Variants in ARL6 observed in about 807,000 individuals in gnomAD.
ARL6 encodes the protein ADP-ribosylation factor-like protein 6.
In ARL6, 18 loss-of-function variants were observed where a neutral mutation model predicts 27.1. The observed-to-expected ratio is 0.66, with a 90% CI of 0.46 to 0.98. The LOEUF (loss-of-function observed/expected upper bound fraction) is 0.98, where lower values mean the gene tolerates loss of function less well. ARL6 is among the 50% of genes least tolerant of loss of function. The probability of loss-of-function intolerance (pLI) is 0.00; values close to 1 mark genes in which losing one functional copy is unlikely to be tolerated. For synonymous variants in ARL6, 65 were observed against 72.3 expected (o/e 0.90, Z 0.51); for missense variants, 187 against 214.9 (o/e 0.87, Z 0.81).
At chr3:97,797,383 A>G (rs913016105) in intron 7 of ARL6, among the ~76,000 whole-genome samples, 2 of 152,110 alleles carry the variant, frequency 1.3e-5, no homozygotes, top group African/African-American at 2.4e-5. Flanking sequence ...AAGAGGAAAG[A>G]AAAAGTATAC....
intron 7 of ARL6, among the ~76,000 whole-genome samples, chr3:97,796,467 A>T (rs1380250326): frequency 6.6e-6 from 1 of 152,134 alleles, no homozygotes; most frequent in African/African-American, 2.4e-5. Flanking sequence ...ATTTGAAAGA[A>T]AAGAAAGGGG....
chr3:97,785,709 AC>A (rs2037426290), intron 5 of ARL6, among the ~76,000 whole-genome samples: 1 of 152,126 alleles, frequency 6.6e-6, no homozygotes, highest in Admixed American at 6.5e-5. Flanking sequence ...TGAATGTACC[AC>A]AGTTTATTTA....
At chr3:97,765,702 T>C (rs772216106) in intron 1 of ARL6, among the ~76,000 whole-genome samples, 3 of 152,216 alleles carry the variant, frequency 2.0e-5, no homozygotes, top group Non-Finnish European at 4.4e-5. Context: ...AAACTACAGA[T>C]GCCCTGATCT....
intron 2 of ARL6, among the ~76,000 whole-genome samples, chr3:97,774,032 A>G (rs1025907541): frequency 6.6e-5 from 10 of 152,164 alleles, no homozygotes; most frequent in African/African-American, 2.2e-4. Context: ...ATACAAAGAG[A>G]TGCCCTAATG....
intron 6 of ARL6, among the ~76,000 whole-genome samples, chr3:97,788,442 A>G (rs1360100637): frequency 6.6e-6 from 1 of 152,134 alleles, no homozygotes; most frequent in Non-Finnish European, 1.5e-5. Context: ...ATCTAAGAGC[A>G]TGTGCACTTG....
rs540063182 is a variant in ARL6 at position 97,781,171 on chromosome 3, A to G, written c.254+488A>G. On this transcript the variant is annotated intron_variant, in intron 4 of 7. Transcript: ENST00000463745. The stretch of plus-strand genomic sequence containing the variant: ...TATTCATATTATTTTTTCAAGACCT[A>G]GTATGATGCTCAGCATATAGGCCAG... Among the ~76,000 whole-genome samples, 8 of 152,284 alleles carry G rather than the reference A, an allele frequency of 5.3e-5. No individual in the cohort carries two copies. The East Asian group carries it at 1.5e-3, about 29-fold the overall frequency.
intron 1 of ARL6, among the ~76,000 whole-genome samples, chr3:97,767,230 A>G (rs985713377): frequency 9.9e-5 from 15 of 152,190 alleles, no homozygotes; most frequent in African/African-American, 3.6e-4. Context: ...AGATACTTAA[A>G]AAACTAAATT....
rs552114793 is a variant in ARL6, at chr3:97,778,413, G to A, written c.124-1746G>A. ...GGCCTTTCTACTAGTGCATTACCAT[G>A]CTATTAAAGTGACCAAGCTCCAGTG... On this transcript the variant is annotated intron_variant, in intron 2 of 7. Transcript: ENST00000463745. 5.3e-5 allele frequency among the ~76,000 whole-genome samples: 8 copies of A among 152,264 alleles called. No homozygotes were observed. The South Asian group carries it at 1.7e-3, about 32-fold the overall frequency.
At chr3:97,770,875 C>CTG (rs567727928) in intron 2 of ARL6, among the ~76,000 whole-genome samples, 210 of 151,736 alleles carry the variant, frequency 1.4e-3, no homozygotes, top group African/African-American at 4.7e-3. Flanking sequence ...TTCTGTTGGT[C>CTG]TGTGTGTGTG....
In ARL6 at chr3:97,801,087, A is replaced by T. The variant is rs1365375931; in HGVS notation, c.*3038A>T. 2 of 152,190 alleles carry T rather than the reference A, an allele frequency of 1.3e-5. No individual in the cohort carries two copies. The highest frequency in any genetic ancestry group is 2.9e-5 in the Non-Finnish European group (2 of 68,030). The allele number at this position is 152,190 out of a possible 1,614,324, so 9.4% of individuals were successfully genotyped here. A position where few individuals can be genotyped will look rare whatever the true frequency, so the allele number is the denominator to read the frequency against. On this transcript the variant is annotated 3_prime_UTR_variant, in exon 8 of 8. Coordinates refer to ENST00000463745, the MANE Select transcript of ARL6 (RefSeq NM_001278293.3). ...TTGCTTATAACTCTGGTGCATGTGC[A>T]TTAAAATACTATTGCATTGTAACTG...
chr3:97,773,863 C>T (rs2036757701), intron 2 of ARL6, among the ~76,000 whole-genome samples: 1 of 152,220 alleles, frequency 6.6e-6, no homozygotes, highest in African/African-American at 2.4e-5. Flanking sequence ...CCTTTGCCTT[C>T]AGCAGGCACC....
intron 1 of ARL6, among the ~76,000 whole-genome samples, chr3:97,767,550 T>G (rs2036442739): frequency 6.6e-6 from 1 of 152,172 alleles, no homozygotes; most frequent in African/African-American, 2.4e-5. Context: ...AGTGAATTTA[T>G]TGTAACTTCA....
At chr3:97,790,719 GTTTC>G (rs2037692577) in intron 6 of ARL6, among the ~76,000 whole-genome samples, 1 of 151,848 alleles carries the variant, frequency 6.6e-6, no homozygotes, top group African/African-American at 2.4e-5. Flanking sequence ...CATGTTGTTT[GTTTC>G]TTTCTTTGTA....
At chr3:97,795,745 T>C (rs1382411427) in intron 7 of ARL6, among the ~76,000 whole-genome samples, 1 of 152,278 alleles carries the variant, frequency 6.6e-6, no homozygotes, top group Admixed American at 6.5e-5. Flanking sequence ...AGAGAAGATA[T>C]GATTATACAT....
At chr3:97,777,044 TC>T (rs2036943796) in intron 2 of ARL6, among the ~76,000 whole-genome samples, 2 of 152,240 alleles carry the variant, frequency 1.3e-5, no homozygotes, top group South Asian at 4.1e-4. Context: ...ATTAAATTTC[TC>T]CCATTATAAA....
At chr3:97,774,800 G>A (rs570739996) in intron 2 of ARL6, among the ~76,000 whole-genome samples, 10 of 152,168 alleles carry the variant, frequency 6.6e-5, no homozygotes, top group Admixed American at 3.9e-4. Context: ...ACTCAGGGCA[G>A]TCTTAGCAGC....
intron 1 of ARL6, chr3:97,766,104 G>C (rs2036366426): frequency 6.6e-6 from 1 of 152,100 alleles, no homozygotes; most frequent in Non-Finnish European, 1.5e-5. Context: ...TGTGAAAAAC[G>C]AATATTCAAG....
At chr3:97,773,820 T>G (rs910892124) in intron 2 of ARL6, among the ~76,000 whole-genome samples, 1 of 152,244 alleles carries the variant, frequency 6.6e-6, no homozygotes, top group Non-Finnish European at 1.5e-5. Flanking sequence ...CTGGTATTGA[T>G]GACTACCTTC....
intron 6 of ARL6, 51 bp downstream of exon 6, chr3:97,788,170 C>A: frequency 6.4e-7 from 1 of 1,572,962 alleles, no homozygotes; most frequent in Non-Finnish European, 8.7e-7. Flanking sequence ...AATATACAAG[C>A]TTCAGAGTTG....
Sources: allele counts gnomAD v4.1 joint callset (sites outside exome capture counted in the v4.1 genomes callset), GRCh38; gene constraint gnomAD v4.1.1; transcripts MANE v1.5; gene names NCBI Gene and HGNC (gene_info 2026-07-23, HGNC 2026-07-21).